KIF26B: variants seen among roughly 807,000 people sequenced by gnomAD.
The protein encoded by KIF26B is kinesin family member 26B.
KIF26B carries 63 observed loss-of-function variants against 151.2 expected under a neutral mutation model. The ratio of observed to expected loss-of-function variants is 0.42; its 90% CI spans 0.34 to 0.51. KIF26B has a LOEUF of 0.51. KIF26B is among the 20% of genes least tolerant of loss of function. KIF26B has a pLI of 0.07. For missense variants in KIF26B, 2,813 were observed against 2,913.6 expected, an observed-to-expected ratio of 0.97 and a Z score of 0.79; for synonymous variants, 1,357 against 1,262.1, an observed-to-expected ratio of 1.08 and a Z score of -1.59.
At chr1:245,561,087 C>T (rs780293740) in intron 5 of KIF26B, among the ~76,000 whole-genome samples, 27 of 152,316 alleles carry the variant, frequency 1.8e-4, no homozygotes, top group Non-Finnish European at 3.4e-4. Flanking sequence ...ACCAGGTGAC[C>T]TGGGAGCTGG....
chr1:245,620,113 G>A (rs1396569469), intron 9 of KIF26B, among the ~76,000 whole-genome samples: 3 of 151,774 alleles, frequency 2.0e-5, no homozygotes, highest in Non-Finnish European at 4.4e-5. Flanking sequence ...AGAAAATGAT[G>A]TATTCATAAA....
intron 3 of KIF26B, among the ~76,000 whole-genome samples, chr1:245,379,260 A>G (rs1174513745): frequency 6.6e-6 from 1 of 152,222 alleles, no homozygotes; most frequent in East Asian, 1.9e-4. Context: ...TCATTTTATC[A>G]TTAGTGAATT....
rs1670167623 is a variant in KIF26B, at chr1:245,239,138, G to A, written c.465+82455G>A. On this transcript the variant is annotated intron_variant, in intron 2 of 14. Coordinates refer to ENST00000407071, the MANE Select transcript of KIF26B (RefSeq NM_018012.4). The surrounding 1 kb of genome is among the most constrained non-coding windows in gnomAD (Gnocchi z 4.3). ...TACTTCCCCTCTCAGAATGGCCTGTGTAGTGGGAGGCCCAGGACATTTAGT... is the reference window on the plus strand; with the variant it reads ...TACTTCCCCTCTCAGAATGGCCTGTATAGTGGGAGGCCCAGGACATTTAGT... Among the ~76,000 whole-genome samples, 1 of 152,188 alleles carries A rather than the reference G, an allele frequency of 6.6e-6. No individual in the cohort carries two copies. The highest frequency in any genetic ancestry group is 2.4e-5 in the African/African-American group (1 of 41,448).
Position 245,495,820 on chromosome 1 carries a change from C to T in KIF26B, c.1167-44947C>T, listed in dbSNP as rs116404928. Among the ~76,000 whole-genome samples the T allele has an allele frequency of 0.016, 2,399 of 152,020 alleles. 66 individuals carry two copies. Among genetic ancestry groups the T allele is most frequent in the African/African-American group, 0.054 (2,238 of 41,468 alleles). ...AGCCAAGGAGAAAAATGATTAAAGCCGTGAGAAAAAAATTCATTATTTTTA... is the reference window on the plus strand; with the variant it reads ...AGCCAAGGAGAAAAATGATTAAAGCTGTGAGAAAAAAATTCATTATTTTTA... On this transcript the variant is annotated intron_variant, in intron 4 of 14. Coordinates refer to ENST00000407071, the MANE Select transcript of KIF26B (RefSeq NM_018012.4). This position sits in a 1 kb window ranked among gnomAD's most constrained non-coding sequence, Gnocchi z 4.2.
intron 4 of KIF26B, among the ~76,000 whole-genome samples, chr1:245,486,279 C>T (rs771071924): frequency 3.9e-5 from 6 of 151,910 alleles, no homozygotes; most frequent in East Asian, 3.9e-4. Context: ...CCTCTTTTTA[C>T]GAGGGTCGTA....
chr1:245,595,413 G>A (rs1185309601), intron 5 of KIF26B, among the ~76,000 whole-genome samples: 1 of 146,806 alleles, frequency 6.8e-6, no homozygotes, highest in African/African-American at 2.7e-5. Flanking sequence ...TGCATCTATT[G>A]AGATAATCGT....
chr1:245,695,252 A>C (rs10802248), intron 12 of KIF26B, among the ~76,000 whole-genome samples: 97,463 of 151,998 alleles, frequency 0.64, 32,872 homozygotes, highest in Middle Eastern at 0.79. Context: ...CATAGCAGTA[A>C]CATCGCTTCC....
chr1:245,508,402 G>A (rs1426034027), intron 4 of KIF26B, among the ~76,000 whole-genome samples: 7 of 152,030 alleles, frequency 4.6e-5, no homozygotes, highest in African/African-American at 7.2e-5. Context: ...CACCACGCCC[G>A]GCTAATTTTT....
chr1:245,369,168 TGAGAGAGAGAGA>T (rs112848389), intron 3 of KIF26B, among the ~76,000 whole-genome samples: 12,026 of 135,810 alleles, frequency 0.089, 743 homozygotes, highest in East Asian at 0.24. Flanking sequence ...AAAAGAAGAG[TGAGAGAGAGAGA>T]GAGAGAGAGA....
chr1:245,435,461 T>G (rs1332307325), intron 4 of KIF26B, among the ~76,000 whole-genome samples: 1 of 152,238 alleles, frequency 6.6e-6, no homozygotes, highest in Non-Finnish European at 1.5e-5. Flanking sequence ...ATTGGTTCAC[T>G]TGCTTACTAG....
intron 2 of KIF26B, among the ~76,000 whole-genome samples, chr1:245,168,951 T>A (rs1301772656): frequency 6.6e-6 from 1 of 152,230 alleles, no homozygotes. Flanking sequence ...TGGGGGATGT[T>A]TCCCTGACTC....
intron 4 of KIF26B, among the ~76,000 whole-genome samples, chr1:245,522,055 G>A (rs929863362): frequency 1.3e-5 from 2 of 152,148 alleles, no homozygotes; most frequent in Admixed American, 6.5e-5. Context: ...ATTTTTAGTA[G>A]AGACGGGGTT....
Position 245,685,699 on chromosome 1 carries a change from G to T in KIF26B, c.2716G>T (p.Ala906Ser). 1.2e-6 allele frequency: 2 copies of T among 1,612,784 alleles called. No homozygotes were observed. The highest frequency in any genetic ancestry group is 1.7e-6 in the Non-Finnish European group (2 of 1,179,782). ...GAAGACCCGGGGCGACAGCCGGCCC[G>T]CAGAGGCAGGAGAGGCTGCAGCCGG... is the stretch of plus-strand genomic sequence containing the variant. ...LQKTRGDSRP[A>S]EAGEAAAGKS... Residue 906 changes from alanine to serine, a missense_variant, in exon 12 of 15, where the codon GCA becomes TCA. Coordinates refer to ENST00000407071, the MANE Select transcript of KIF26B (RefSeq NM_018012.4).
intron 2 of KIF26B, among the ~76,000 whole-genome samples, chr1:245,345,533 G>T (rs1336754852): frequency 6.6e-6 from 1 of 151,932 alleles, no homozygotes; most frequent in Non-Finnish European, 1.5e-5. Context: ...AGGTCCTCGT[G>T]ATGGTGTGGA....
intron 2 of KIF26B, among the ~76,000 whole-genome samples, chr1:245,338,119 C>T (rs1246540380): frequency 6.6e-6 from 1 of 152,216 alleles, no homozygotes; most frequent in East Asian, 1.9e-4. Flanking sequence ...AATTAATTAA[C>T]ATTCGTAGTA....
Position 245,424,781 on chromosome 1 carries a change from G to T in KIF26B, c.1166+5036G>T, listed in dbSNP as rs1305742726. ...TATAACTAGAAGTAAAAGAAAAATT[G>T]GTCCTTCACCCGGATAGTTTGAGAT... On this transcript the variant is annotated intron_variant, in intron 4 of 14. Coordinates refer to ENST00000407071, the MANE Select transcript of KIF26B (RefSeq NM_018012.4). Among the ~76,000 whole-genome samples, 12 of 152,178 alleles carry T rather than the reference G, an allele frequency of 7.9e-5. No individual in the cohort carries two copies. The East Asian group carries it at 2.1e-3, about 27-fold the overall frequency.
intron 10 of KIF26B, among the ~76,000 whole-genome samples, chr1:245,647,084 A>G (rs1010761644): frequency 1.4e-4 from 21 of 152,210 alleles, no homozygotes; most frequent in Admixed American, 2.6e-4. Flanking sequence ...AAAGCTATAC[A>G]TGTTACATCA....
chr1:245,269,557 T>G (rs1573744001), intron 2 of KIF26B, among the ~76,000 whole-genome samples: 1 of 151,966 alleles, frequency 6.6e-6, no homozygotes, highest in East Asian at 1.9e-4. Context: ...CTCCACCTCC[T>G]GGGTTCAAGT....
intron 4 of KIF26B, among the ~76,000 whole-genome samples, chr1:245,441,178 G>A (rs1442188640): frequency 3.9e-5 from 6 of 152,304 alleles, no homozygotes; most frequent in Non-Finnish European, 5.9e-5. Flanking sequence ...GTCTACCACC[G>A]TAATTAAGAG....
Sources: allele counts gnomAD v4.1 joint callset (sites outside exome capture counted in the v4.1 genomes callset), GRCh38; gene constraint gnomAD v4.1.1; non-coding constraint Gnocchi (gnomAD v3.1); transcripts MANE v1.5; gene names NCBI Gene and HGNC (gene_info 2026-07-23, HGNC 2026-07-21).